The following KIDINS220 variants were observed in gnomAD, a reference collection of about 807,000 sequenced individuals.
KIDINS220 encodes kinase D interacting substrate 220, also known as kinase D-interacting substrate of 220 kDa.
A neutral mutation model predicts 157.6 loss-of-function variants in KIDINS220; 63 were observed. The ratio of observed to expected loss-of-function variants is 0.40; its 90% CI spans 0.33 to 0.49. KIDINS220 has a LOEUF of 0.49. Ranked by LOEUF, KIDINS220 falls within the 20% of genes least tolerant of loss-of-function variation. The probability of loss-of-function intolerance (pLI) is 0.66; values close to 1 mark genes in which losing one functional copy is unlikely to be tolerated. For missense variants in KIDINS220, 1,772 were observed against 2,171.2 expected (o/e 0.82, Z 3.65); for synonymous variants, 732 against 783.6 (o/e 0.93, Z 1.10).
At chr2:8,790,979 G>T in intron 13 of KIDINS220, 81 bp downstream of exon 13, 1 of 1,289,610 alleles carries the variant, frequency 7.8e-7, no homozygotes, top group Non-Finnish European at 1.1e-6. Flanking sequence ...TACAGAAAGT[G>T]GTCTTCCTCT....
In KIDINS220 at chr2:8,780,653, T is replaced by G. The variant is rs143885994; in HGVS notation, c.2230-839A>C. ...GGACGGGAGAGAGGAATTAGGATTA[T>G]TTTGCTATTATAAGATAAACTACCT... On this transcript the variant is annotated intron_variant, in intron 17 of 29. Coordinates refer to ENST00000256707, the MANE Select transcript of KIDINS220 (RefSeq NM_020738.4). Among the ~76,000 whole-genome samples the G allele has an allele frequency of 1.1e-3, 164 of 152,112 alleles. 1 individual carries two copies. Among genetic ancestry groups the G allele is most frequent in the African/African-American group, 3.9e-3 (162 of 41,498 alleles).
rs756951908 is a variant in KIDINS220 at position 8,779,675 on chromosome 2, G to A, written c.2369C>T (p.Thr790Ile). The A allele has an allele frequency of 8.7e-6, 14 of 1,613,310 alleles. No homozygotes were observed. The highest frequency in any genetic ancestry group is 1.1e-5 in the Non-Finnish European group (13 of 1,179,482). ...GCTTTTGAGGTGGCGCAAACGTACA[G>A]TGTCCAGCATCTGAAGGACTTTGTC... Reference protein sequence around the residue: ...EQDKVLQMLDTVRVLFSKGPF... With the variant: ...EQDKVLQMLDIVRVLFSKGPF... The change falls in exon 18 of 30, where the codon ACT becomes ATT. Residue 790 changes from threonine (T) to isoleucine (I), a missense_variant and splice_region_variant. Coordinates refer to ENST00000256707, the MANE Select transcript of KIDINS220 (RefSeq NM_020738.4).
At chr2:8,759,974 G>C (rs1668542311) in intron 22 of KIDINS220, among the ~76,000 whole-genome samples, 1 of 152,178 alleles carries the variant, frequency 6.6e-6, no homozygotes, top group South Asian at 2.1e-4. Context: ...CACCACCACA[G>C]ACATAGCAGC....
At chr2:8,788,345 T>G (rs1052660599) in intron 15 of KIDINS220, among the ~76,000 whole-genome samples, 14 of 152,112 alleles carry the variant, frequency 9.2e-5, no homozygotes, top group Non-Finnish European at 1.8e-4. Context: ...CCTGGCTCAC[T>G]GCAACCTCTG....
rs1159325247 is a variant in KIDINS220 at position 8,750,151 on chromosome 2, G to A, written c.3375C>T (p.Tyr1125=). The A allele has an allele frequency of 6.2e-7, 1 of 1,614,178 alleles. No individual in the cohort carries two copies. The highest frequency in any genetic ancestry group is 2.2e-5 in the East Asian group (1 of 44,886). ...VVSPQPHSSY[Y]SGMTGPQHPF... ...GATGCTGAGGGCCCGTCATGCCGCTGTAATAGCTGCTGTGAGGCTGTGGTG... is the reference window on the plus strand; with the variant it reads ...GATGCTGAGGGCCCGTCATGCCGCTATAATAGCTGCTGTGAGGCTGTGGTG... Residue 1125 remains tyrosine (Y), a synonymous_variant, in exon 24 of 30, where the codon TAC becomes TAT. Coordinates refer to ENST00000256707, the MANE Select transcript of KIDINS220 (RefSeq NM_020738.4).
At position 8,796,795 on chromosome 2, in the gene KIDINS220, A is replaced by G; in HGVS notation, c.1074T>C (p.Gly358=). Residue 358 remains glycine, a synonymous_variant, in exon 11 of 30, where the codon GGT becomes GGC. Coordinates refer to ENST00000256707, the MANE Select transcript of KIDINS220 (RefSeq NM_020738.4). ...CCTTATCTACAGCAGACACTTTAGC[A>G]CCTTTATCTAGCAGCAGCTCCACCA... ...IEVVELLLDK[G]AKVSAVDKKG... The G allele has an allele frequency of 1.2e-6, 2 of 1,614,110 alleles. No individual in the cohort carries two copies. The highest frequency in any genetic ancestry group is 1.1e-5 in the South Asian group (1 of 91,074).
rs1424387025 is a variant in KIDINS220 at position 8,788,839 on chromosome 2, T to C, written c.1622-27A>G. ...TGAAATTCACAGTTTAAAAAAGTTA[T>C]CCAAAGCAGTCACTAGTCAAGCAGA... On this transcript the variant is annotated intron_variant, in intron 14 of 29. Transcript: ENST00000256707. The C allele has an allele frequency of 2.5e-6, 4 of 1,601,780 alleles. No homozygotes were observed. In the Admixed American group the frequency reaches 6.7e-5, roughly 27 times the overall value.
chr2:8,756,221 A>C (rs928004437), intron 22 of KIDINS220, among the ~76,000 whole-genome samples: 1 of 152,156 alleles, frequency 6.6e-6, no homozygotes, highest in African/African-American at 2.4e-5. Flanking sequence ...GAAATATTTT[A>C]TTCTTTTAGA....
At chr2:8,744,388 A>ATATATCC (rs1558328231) in intron 26 of KIDINS220, among the ~76,000 whole-genome samples, 1 of 26,160 alleles carries the variant, frequency 3.8e-5, no homozygotes, top group Non-Finnish European at 5.9e-5. Context: ...AAAAAAAAAA[A>ATATATCC]ATATATATAT....
chr2:8,819,783 T>C (rs545559051), intron 2 of KIDINS220, among the ~76,000 whole-genome samples: 1 of 152,022 alleles, frequency 6.6e-6, no homozygotes, highest in African/African-American at 2.4e-5. Flanking sequence ...TGAGATCGCA[T>C]CACTGCACTC....
chr2:8,825,553 G>C (rs1009071345), intron 2 of KIDINS220, among the ~76,000 whole-genome samples: 1 of 151,844 alleles, frequency 6.6e-6, no homozygotes, highest in Non-Finnish European at 1.5e-5. Context: ...AGATATATAT[G>C]TAAGCAAATA....
chr2:8,757,552 C>T lies in KIDINS220; in HGVS notation c.3012-5908G>A, dbSNP rs144462769. 4.7e-3 allele frequency: 6,952 copies of T among 1,484,956 alleles called. 30 individuals carry two copies. Among genetic ancestry groups the T allele is most frequent in the Admixed American group, 5.4e-3 (245 of 45,114 alleles). 92.0% of individuals were successfully genotyped at this position (1,484,956 alleles called of 1,614,324 possible). ...ATGTTTCAACTACCCATTCCGTTGT[C>T]TCATGAAGGCCAGTACCTCTGGTTG... On this transcript the variant is annotated intron_variant, in intron 22 of 29. Transcript: ENST00000256707.
intron 29 of KIDINS220, among the ~76,000 whole-genome samples, chr2:8,733,082 T>C (rs1179210239): frequency 2.0e-5 from 3 of 152,208 alleles, no homozygotes; most frequent in Non-Finnish European, 4.4e-5. Flanking sequence ...AGTGTTCCAA[T>C]GAAGATGTAC....
At chr2:8,822,482 G>A (rs1449631510) in intron 2 of KIDINS220, among the ~76,000 whole-genome samples, 1 of 151,932 alleles carries the variant, frequency 6.6e-6, no homozygotes, top group Non-Finnish European at 1.5e-5. Context: ...TTTTTAATGA[G>A]CCAGGCGTGG....
At chr2:8,799,462 C>T (rs894262910) in intron 9 of KIDINS220, among the ~76,000 whole-genome samples, 2 of 152,066 alleles carry the variant, frequency 1.3e-5, no homozygotes, top group Admixed American at 1.3e-4. Flanking sequence ...TCCAACTCAT[C>T]TTCAAACTTA....
rs1663731509 is a variant in KIDINS220 at position 8,729,464 on chromosome 2, A to G, written c.*1256T>C. The G allele has an allele frequency of 1.0e-6, 1 of 985,452 alleles. No homozygotes were observed. Among genetic ancestry groups the G allele is most frequent in the Non-Finnish European group, 1.2e-6 (1 of 829,914 alleles). 61.0% of individuals were successfully genotyped at this position (985,452 alleles called of 1,614,324 possible). ...AATGAGCTATGTTAAAACGATAACA[A>G]TATTTCATTGCATGATGACAGGGTA... On this transcript the variant is annotated 3_prime_UTR_variant, in exon 30 of 30. Transcript: ENST00000256707.
rs115263801 is a variant in KIDINS220 at position 8,784,476 on chromosome 2, A to G, written c.2229+1265T>C. On this transcript the variant is annotated intron_variant, in intron 17 of 29. Transcript: ENST00000256707. ...GACACTGTCAAGAGAATGAAAAGCA[A>G]CCAAAAGAATGGAGCAAAATATTTG... is the stretch of plus-strand genomic sequence containing the variant. Among the ~76,000 whole-genome samples, 714 of 152,330 alleles carry G rather than the reference A, an allele frequency of 4.7e-3. 2 individuals are homozygous for G. The highest frequency in any genetic ancestry group is 8.2e-3 in the Admixed American group (125 of 15,286).
At chr2:8,732,687 G>A (rs930957982) in intron 29 of KIDINS220, among the ~76,000 whole-genome samples, 5 of 152,170 alleles carry the variant, frequency 3.3e-5, no homozygotes, top group African/African-American at 1.2e-4. Flanking sequence ...AAAAGAAGGA[G>A]CAAAGTGAAT....
At chr2:8,806,782 T>A (rs1675517189) in intron 6 of KIDINS220, among the ~76,000 whole-genome samples, 1 of 152,166 alleles carries the variant, frequency 6.6e-6, no homozygotes. Context: ...GGTTTTGCCA[T>A]GTTGGCCAGG....
Sources: allele counts gnomAD v4.1 joint callset (sites outside exome capture counted in the v4.1 genomes callset), GRCh38; gene constraint gnomAD v4.1.1; transcripts MANE v1.5; gene names NCBI Gene and HGNC (gene_info 2026-07-23, HGNC 2026-07-21).